The following MKX variants were observed in gnomAD, a reference collection of about 807,000 sequenced individuals.
MKX encodes homeobox protein Mohawk.
MKX carries 13 observed loss-of-function variants against 36.0 expected under a neutral mutation model. That is an observed-to-expected ratio of 0.36 (90% CI 0.24 to 0.57). The LOEUF (loss-of-function observed/expected upper bound fraction) is 0.57, where lower values mean the gene tolerates loss of function less well. Among genes scored for constraint, MKX ranks in the 20% least tolerant of loss-of-function variants. The probability of loss-of-function intolerance (pLI) is 0.79; values close to 1 mark genes in which losing one functional copy is unlikely to be tolerated. For synonymous variants in MKX, 176 were observed against 178.3 expected (o/e 0.99, Z 0.10); for missense variants, 458 against 456.4 (o/e 1.00, Z -0.03).
chr10:27,683,269 G>C (rs909393050), intron 5 of MKX, among the ~76,000 whole-genome samples: 1 of 152,192 alleles, frequency 6.6e-6, no homozygotes, highest in South Asian at 2.1e-4. Flanking sequence ...GGTATGTTTA[G>C]ATACATATTT....
At chr10:27,686,399 AAGGAAGG>A (rs1836352035) in intron 5 of MKX, among the ~76,000 whole-genome samples, 2 of 6,512 alleles carry the variant, frequency 3.1e-4, no homozygotes, top group Non-Finnish European at 1.5e-3. Flanking sequence ...AAGGGAAAGG[AAGGAAGG>A]AAGGAAGGAA....
intron 5 of MKX, among the ~76,000 whole-genome samples, chr10:27,730,181 C>G (rs897556408): frequency 6.6e-6 from 1 of 152,106 alleles, no homozygotes; most frequent in African/African-American, 2.4e-5. Flanking sequence ...TGATCAATTG[C>G]AATGGTAAAA....
intron 5 of MKX, among the ~76,000 whole-genome samples, chr10:27,693,618 T>C (rs1326802379): frequency 6.6e-6 from 1 of 152,176 alleles, no homozygotes; most frequent in Non-Finnish European, 1.5e-5. Context: ...CAAACGACCA[T>C]ACATACTGTG....
chr10:27,686,394 AAAGGAAGGAAGGAAGG>A lies in MKX; in HGVS notation c.839-10856_839-10841del, dbSNP rs199641003. Among the ~76,000 whole-genome samples the A allele has an allele frequency of 5.0e-3, 616 of 122,966 alleles. 4 individuals are homozygous for A. The highest frequency in any genetic ancestry group is 8.9e-3 in the African/African-American group (238 of 26,616). The allele number at this position is 122,966 out of a possible 152,430, so 80.7% of individuals were successfully genotyped here. On this transcript the variant is annotated intron_variant, in intron 5 of 6. Coordinates refer to ENST00000419761, the MANE Select transcript of MKX (RefSeq NM_173576.3). ...AAAGAAAGGGAAGGGAAGGGAAGGGAAAGGAAGGAAGGAAGGAAGGAAGGAAGGAAGGAAGGAAGGA... is the reference window on the plus strand; with the variant it reads ...AAAGAAAGGGAAGGGAAGGGAAGGGAAAGGAAGGAAGGAAGGAAGGAAGGA...
chr10:27,693,280 A>G (rs1166591582), intron 5 of MKX, among the ~76,000 whole-genome samples: 5 of 152,202 alleles, frequency 3.3e-5, no homozygotes, highest in Non-Finnish European at 7.3e-5. Context: ...CAAAAATTAA[A>G]CATAGCAGGT....
intron 5 of MKX, among the ~76,000 whole-genome samples, chr10:27,712,187 T>C (rs1356087807): frequency 6.6e-6 from 1 of 152,140 alleles, no homozygotes; most frequent in East Asian, 1.9e-4. Flanking sequence ...AGCTCTAAAC[T>C]CACAGATCCA....
intron 5 of MKX, among the ~76,000 whole-genome samples, chr10:27,691,127 G>C (rs1250310333): frequency 3.3e-5 from 5 of 152,146 alleles, no homozygotes; most frequent in Admixed American, 6.5e-5. Context: ...CCCAGTCTCA[G>C]GTAGTATCTT....
At position 27,711,502 on chromosome 10, in the gene MKX, C is replaced by CT. The variant is rs1325299205; in HGVS notation, c.838+22953_838+22954insA. On this transcript the variant is annotated intron_variant, in intron 5 of 6. Transcript: ENST00000419761. ...TTCTTTCTCTCTCTCTCTCTTCTTT[C>CT]CTTCCTTCCTTCCTTCCTTCCTTCC... Among the ~76,000 whole-genome samples the CT allele has an allele frequency of 9.9e-3, 517 of 52,394 alleles. 8 individuals carry two copies. The highest frequency in any genetic ancestry group is 0.025 in the African/African-American group (260 of 10,584). 34.4% of individuals were successfully genotyped at this position (52,394 alleles called of 152,430 possible).
In MKX at chr10:27,672,876, G is replaced by A. The variant is rs1278214960; in HGVS notation, c.*2353C>T. 6.6e-6 allele frequency: 1 copy of A among 152,066 alleles called. No individual in the cohort carries two copies. The highest frequency in any genetic ancestry group is 2.4e-5 in the African/African-American group (1 of 41,390). The allele number at this position is 152,066 out of a possible 1,614,324, so 9.4% of individuals were successfully genotyped here. ...GGAAAACAAAATCCATACGATCATCGAGGTCTAGAAATTAACTTTTATTTT... is the reference window on the plus strand; with the variant it reads ...GGAAAACAAAATCCATACGATCATCAAGGTCTAGAAATTAACTTTTATTTT... On this transcript the variant is annotated 3_prime_UTR_variant, in exon 7 of 7. Coordinates refer to ENST00000419761, the MANE Select transcript of MKX (RefSeq NM_173576.3).
At chr10:27,718,887 T>C (rs777203837) in intron 5 of MKX, among the ~76,000 whole-genome samples, 97 of 152,296 alleles carry the variant, frequency 6.4e-4, no homozygotes, top group Admixed American at 1.4e-3. Context: ...CACTGCTCCA[T>C]TGTGTGCACA....
chr10:27,716,209 T>C (rs143673967), intron 5 of MKX, among the ~76,000 whole-genome samples: 290 of 152,104 alleles, frequency 1.9e-3, no homozygotes, highest in Non-Finnish European at 3.1e-3. Context: ...GCCAGGCACA[T>C]AGGAAATGCT....
At chr10:27,736,125 G>A (rs565346896) in intron 3 of MKX, among the ~76,000 whole-genome samples, 20 of 152,238 alleles carry the variant, frequency 1.3e-4, no homozygotes, top group Middle Eastern at 3.4e-3. Context: ...AGGCACAGAG[G>A]TAATAGTCAA....
At chr10:27,740,924 G>C (rs1834878483) in intron 3 of MKX, among the ~76,000 whole-genome samples, 1 of 152,132 alleles carries the variant, frequency 6.6e-6, no homozygotes, top group Non-Finnish European at 1.5e-5. Flanking sequence ...GTCACACTGC[G>C]TGGTTCTCAA....
intron 5 of MKX, among the ~76,000 whole-genome samples, chr10:27,733,285 G>T (rs994993229): frequency 6.6e-6 from 1 of 152,120 alleles, no homozygotes; most frequent in African/African-American, 2.4e-5. Flanking sequence ...AAATCAGATT[G>T]CTGGTGAAAT....
chr10:27,729,854 G>A (rs1339450574), intron 5 of MKX, among the ~76,000 whole-genome samples: 1 of 152,128 alleles, frequency 6.6e-6, no homozygotes, highest in Non-Finnish European at 1.5e-5. Context: ...AACCCACTCT[G>A]TAAGGCGGCA....
chr10:27,711,471 CTTTCTTTCTT>C (rs370351198), intron 5 of MKX, among the ~76,000 whole-genome samples: 13,951 of 33,426 alleles, frequency 0.42, 858 homozygotes, highest in South Asian at 0.49. Flanking sequence ...TTCTTTCTTT[CTTTCTTTCTT>C]TCTCTCTCTC....
rs1450633703 is a variant in MKX, at chr10:27,699,677, G to A, written c.839-24123C>T. On this transcript the variant is annotated intron_variant, in intron 5 of 6. Transcript: ENST00000419761. ...GACTCCATTTAATTGGCTTCCACAC[G>A]CGCCTTCCCAGTTTCAATTCAGCTC... 3.3e-5 allele frequency among the ~76,000 whole-genome samples: 5 copies of A among 152,212 alleles called. No homozygotes were observed. In the East Asian group the frequency reaches 7.7e-4, roughly 23 times the overall value.
At chr10:27,735,400 A>G in intron 3 of MKX, 26 bp from the exon 4 acceptor site, 1 of 1,594,108 alleles carries the variant, frequency 6.3e-7, no homozygotes, top group Non-Finnish European at 8.6e-7. Flanking sequence ...TTTTCAATTA[A>G]CAAAACTTAA....
rs548165640 is a variant in MKX at position 27,742,329 on chromosome 10, C to A, written c.189-825G>T. ...GCCGCCAGCGAGCCCAGCCGCTCCC[C>A]GAGGCTTGCGCGCCTGCGCCGGAGC... On this transcript the variant is annotated intron_variant, in intron 2 of 6. Coordinates refer to ENST00000419761, the MANE Select transcript of MKX (RefSeq NM_173576.3). This position sits in a 1 kb window ranked among gnomAD's most constrained non-coding sequence, Gnocchi z 4.2. Among the ~76,000 whole-genome samples the A allele has an allele frequency of 2.0e-5, 3 of 152,158 alleles. No individual in the cohort carries two copies. The highest frequency in any genetic ancestry group is 4.4e-5 in the Non-Finnish European group (3 of 68,024).
Sources: allele counts gnomAD v4.1 joint callset (sites outside exome capture counted in the v4.1 genomes callset), GRCh38; gene constraint gnomAD v4.1.1; non-coding constraint Gnocchi (gnomAD v3.1); transcripts MANE v1.5; gene names NCBI Gene and HGNC (gene_info 2026-07-23, HGNC 2026-07-21).